SPEF2: variants seen among roughly 807,000 people sequenced by gnomAD.
The protein encoded by SPEF2 is sperm flagella and cilia-associated protein 2.
Under a neutral mutation model 224.6 loss-of-function variants are expected in SPEF2, and 187 were observed. The observed-to-expected ratio is 0.83, with a 90% CI of 0.74 to 0.94. SPEF2 has a LOEUF of 0.94. Ranked by LOEUF, SPEF2 falls within the 40% of genes least tolerant of loss-of-function variation. The probability of loss-of-function intolerance (pLI) is 0.00; values close to 1 mark genes in which losing one functional copy is unlikely to be tolerated. For missense variants in SPEF2, 2,170 were observed against 2,135.6 expected (o/e 1.02, Z -0.32); for synonymous variants, 715 against 707.3 (o/e 1.01, Z -0.17).
At chr5:35,797,000 A>G (rs920697425) in intron 33 of SPEF2, among the ~76,000 whole-genome samples, 5 of 152,196 alleles carry the variant, frequency 3.3e-5, no homozygotes, top group African/African-American at 7.2e-5. Flanking sequence ...TGGTCTGTAT[A>G]TGCTTTTATG....
chr5:35,786,429 G>T (rs555090611), intron 30 of SPEF2, among the ~76,000 whole-genome samples: 1 of 152,056 alleles, frequency 6.6e-6, no homozygotes, highest in Non-Finnish European at 1.5e-5. Context: ...GGAAGCCGAG[G>T]TGGGTGGTTC....
intron 30 of SPEF2, among the ~76,000 whole-genome samples, chr5:35,784,766 T>G (rs78366952): frequency 0.014 from 2,080 of 151,846 alleles, 42 homozygotes; most frequent in African/African-American, 0.047. Flanking sequence ...AAGTCTCCAG[T>G]GGCTTGCAAA....
chr5:35,699,048 T>C (rs1322004143), intron 15 of SPEF2: 2 of 152,158 alleles, frequency 1.3e-5, no homozygotes, highest in Non-Finnish European at 2.9e-5. Flanking sequence ...GAGAGAAATA[T>C]AGACAGTGAC....
intron 30 of SPEF2, among the ~76,000 whole-genome samples, chr5:35,779,803 C>T (rs58846527): frequency 0.047 from 7,112 of 152,276 alleles, 471 homozygotes; most frequent in African/African-American, 0.14. Context: ...ATCAAATAAG[C>T]TGTTAGAAAA....
chr5:35,746,256 A>G (rs1306884418), intron 23 of SPEF2, among the ~76,000 whole-genome samples: 1 of 152,208 alleles, frequency 6.6e-6, no homozygotes, highest in African/African-American at 2.4e-5. Flanking sequence ...ATATGACAAA[A>G]CAAGGCTCTT....
At chr5:35,752,912 T>G (rs1287206068) in intron 23 of SPEF2, among the ~76,000 whole-genome samples, 1 of 150,258 alleles carries the variant, frequency 6.7e-6, no homozygotes, top group Non-Finnish European at 1.5e-5. Flanking sequence ...TAACTATTTT[T>G]ATTATATTTA....
chr5:35,710,000 A>C (rs1056551848), intron 19 of SPEF2: 52 of 981,454 alleles, frequency 5.3e-5, no homozygotes, highest in Non-Finnish European at 6.2e-5. Context: ...TAATTTTTAA[A>C]ATTAAACTTA....
At chr5:35,640,054 A>G (rs1290383665) in intron 2 of SPEF2, among the ~76,000 whole-genome samples, 1 of 152,184 alleles carries the variant, frequency 6.6e-6, no homozygotes, top group Non-Finnish European at 1.5e-5. Flanking sequence ...CATAAAATAC[A>G]TTTAAACCCT....
At position 35,692,597 on chromosome 5, in the gene SPEF2, A is replaced by T. The variant is rs1179444571; in HGVS notation, c.1772A>T (p.Asp591Val). The T allele has an allele frequency of 6.2e-7, 1 of 1,612,478 alleles. No homozygotes were observed. The highest frequency in any genetic ancestry group is 1.1e-5 in the South Asian group (1 of 90,932). Residue 591 changes from aspartate (D) to valine (V), a missense_variant, in exon 12 of 37, where the codon GAC (aspartate) becomes GTC (valine). By Grantham distance (152) the Asp-to-Val change is radical. Transcript: ENST00000356031. ...KDFPIQILSIDTLVQEAIQAF... is the reference protein window; with the variant it reads ...KDFPIQILSIVTLVQEAIQAF... ...TTTCCTATACAGATACTTTCTATTG[A>T]CACTCTTGTCCAAGAAGCTATCCAA...
At chr5:35,715,165 C>T (rs890514477) in intron 20 of SPEF2, among the ~76,000 whole-genome samples, 11 of 152,138 alleles carry the variant, frequency 7.2e-5, no homozygotes, top group African/African-American at 2.7e-4. Flanking sequence ...AATCTCCCCG[C>T]TTCAGCCTTC....
chr5:35,680,724 A>G (rs924993662), intron 10 of SPEF2, among the ~76,000 whole-genome samples: 1 of 152,316 alleles, frequency 6.6e-6, no homozygotes, highest in Middle Eastern at 3.4e-3. Flanking sequence ...AAGTATGAGT[A>G]GACATCAGTT....
At chr5:35,663,669 AG>A (rs1750035326) in intron 8 of SPEF2, among the ~76,000 whole-genome samples, 1 of 152,096 alleles carries the variant, frequency 6.6e-6, no homozygotes, top group Admixed American at 6.6e-5. Context: ...ATCCATTTTT[AG>A]TGGTTATGAA....
At chr5:35,641,166 A>G (rs373010092) in intron 2 of SPEF2, among the ~76,000 whole-genome samples, 2 of 152,082 alleles carry the variant, frequency 1.3e-5, no homozygotes, top group African/African-American at 4.8e-5. Context: ...TTCTGTATTT[A>G]CTTCTGAAGA....
intron 1 of SPEF2, among the ~76,000 whole-genome samples, chr5:35,624,527 C>G (rs926957391): frequency 6.6e-6 from 1 of 151,998 alleles, no homozygotes; most frequent in African/African-American, 2.4e-5. Flanking sequence ...CATGACAAAC[C>G]AAAGAGAAAA....
At chr5:35,809,060 C>T (rs536092083) in intron 36 of SPEF2, among the ~76,000 whole-genome samples, 10 of 151,934 alleles carry the variant, frequency 6.6e-5, no homozygotes, top group African/African-American at 9.7e-5. Context: ...CTGGCTTTCT[C>T]GTCTGTTAAA....
At chr5:35,618,153 G>A in intron 1 of SPEF2, 98 bp downstream of exon 1, 1 of 1,355,482 alleles carries the variant, frequency 7.4e-7, no homozygotes, top group Non-Finnish European at 1.0e-6. Context: ...CGGGCAGGGC[G>A]CGAGCTGCAC....
chr5:35,787,260 CTTT>C (rs542133921), intron 30 of SPEF2, among the ~76,000 whole-genome samples: 3 of 141,034 alleles, frequency 2.1e-5, no homozygotes. Context: ...GCTTCACACC[CTTT>C]TTTTTTTTTT....
chr5:35,663,972 C>T lies in SPEF2; in HGVS notation c.1168-3100C>T, dbSNP rs1384810002. On this transcript the variant is annotated intron_variant, in intron 8 of 36. Transcript: ENST00000356031. Reference sequence around the variant, plus strand: ...AATCCCCTCTGAGGCTTCATTGCCCCCCTTCATTTTCATTGCCTGGGTTCT... The same window carrying T: ...AATCCCCTCTGAGGCTTCATTGCCCTCCTTCATTTTCATTGCCTGGGTTCT... 2.6e-5 allele frequency among the ~76,000 whole-genome samples: 4 copies of T among 152,222 alleles called. No individual in the cohort carries two copies. In the East Asian group the frequency reaches 5.8e-4, roughly 22 times the overall value.
chr5:35,649,665 CTA>C (rs1230760822), intron 6 of SPEF2, among the ~76,000 whole-genome samples: 2 of 152,134 alleles, frequency 1.3e-5, no homozygotes, highest in African/African-American at 4.8e-5. Flanking sequence ...TTTTTCTGTG[CTA>C]TGTTTATTCT....
Sources: allele counts gnomAD v4.1 joint callset (sites outside exome capture counted in the v4.1 genomes callset), GRCh38; gene constraint gnomAD v4.1.1; transcripts MANE v1.5; gene names NCBI Gene and HGNC (gene_info 2026-07-23, HGNC 2026-07-21).